GRM5: variants seen among roughly 807,000 people sequenced by gnomAD.
The protein encoded by GRM5 is metabotropic glutamate receptor 5.
In GRM5, 19 loss-of-function variants were observed where a neutral mutation model predicts 83.1. The ratio of observed to expected loss-of-function variants is 0.23; its 90% CI spans 0.16 to 0.34. GRM5 has a LOEUF of 0.34. Among genes scored for constraint, GRM5 ranks in the 10% least tolerant of loss-of-function variants. GRM5 has a pLI of 1.00. For missense variants in GRM5, 1,160 were observed against 1,588.3 expected (o/e 0.73, Z 4.58); for synonymous variants, 675 against 633.6 (o/e 1.07, Z -0.98).
At chr11:88,646,482 A>T (rs1939452152) in intron 4 of GRM5, among the ~76,000 whole-genome samples, 1 of 90,096 alleles carries the variant, frequency 1.1e-5, no homozygotes, top group Non-Finnish European at 3.3e-5. Context: ...TTAAGTTTTT[A>T]AATGCTTAGA....
At chr11:88,845,260 G>A (rs1433989570) in intron 3 of GRM5, among the ~76,000 whole-genome samples, 1 of 150,848 alleles carries the variant, frequency 6.6e-6, no homozygotes, top group Non-Finnish European at 1.5e-5. Flanking sequence ...CATCAACATT[G>A]AGGCAAGACC....
intron 3 of GRM5, among the ~76,000 whole-genome samples, chr11:88,779,990 T>C (rs903052638): frequency 1.3e-5 from 2 of 152,172 alleles, no homozygotes; most frequent in African/African-American, 4.8e-5. Context: ...AATCCAGAGC[T>C]ATGCCCTGTG....
intron 2 of GRM5, among the ~76,000 whole-genome samples, chr11:88,906,625 C>A (rs1221438668): frequency 6.6e-6 from 1 of 152,140 alleles, no homozygotes; most frequent in African/African-American, 2.4e-5. Context: ...ATAGGAAATT[C>A]TCTGTGTCAG....
chr11:88,970,689 G>T (rs907380337), intron 2 of GRM5, among the ~76,000 whole-genome samples: 1 of 152,188 alleles, frequency 6.6e-6, no homozygotes, highest in Non-Finnish European at 1.5e-5. Context: ...TATGATGAGT[G>T]TCACATATCT....
At chr11:88,774,090 A>G (rs1490485037) in intron 3 of GRM5, among the ~76,000 whole-genome samples, 1 of 152,158 alleles carries the variant, frequency 6.6e-6, no homozygotes, top group Non-Finnish European at 1.5e-5. Flanking sequence ...ATGAGCATGG[A>G]AAGTTTCTCC....
chr11:88,999,427 G>A (rs1168020486), intron 2 of GRM5, among the ~76,000 whole-genome samples: 2 of 152,074 alleles, frequency 1.3e-5, no homozygotes, highest in African/African-American at 4.8e-5. Context: ...AGTGGGTGAA[G>A]GATATGAACA....
chr11:88,982,363 A>T (rs1312552685), intron 2 of GRM5, among the ~76,000 whole-genome samples: 1 of 152,204 alleles, frequency 6.6e-6, no homozygotes, highest in Non-Finnish European at 1.5e-5. Context: ...TTTAGCTTAC[A>T]TAAGTCTCAA....
intron 3 of GRM5, among the ~76,000 whole-genome samples, chr11:88,792,119 TACCA>T (rs1169158825): frequency 2.0e-5 from 3 of 152,096 alleles, no homozygotes; most frequent in Admixed American, 1.3e-4. Context: ...CCAATTTTAT[TACCA>T]ACAACCTAGT....
intron 3 of GRM5, among the ~76,000 whole-genome samples, chr11:88,714,187 G>T (rs1000918832): frequency 2.0e-5 from 3 of 152,016 alleles, no homozygotes; most frequent in African/African-American, 7.2e-5. Context: ...AAACTTAGAA[G>T]GTGGGGAAGT....
chr11:88,837,895 T>G (rs993432288), intron 3 of GRM5, among the ~76,000 whole-genome samples: 1 of 151,984 alleles, frequency 6.6e-6, no homozygotes, highest in Admixed American at 6.6e-5. Flanking sequence ...CCATCCTGGC[T>G]AACACGGTGA....
At chr11:88,576,087 T>G (rs1943103817) in intron 7 of GRM5, among the ~76,000 whole-genome samples, 2 of 152,216 alleles carry the variant, frequency 1.3e-5, no homozygotes, top group Admixed American at 1.3e-4. Context: ...CCGGTCATAC[T>G]GCACATGGAT....
intron 8 of GRM5, among the ~76,000 whole-genome samples, chr11:88,547,684 T>G (rs929574360): frequency 2.6e-5 from 4 of 152,120 alleles, no homozygotes; most frequent in Non-Finnish European, 4.4e-5. Context: ...GAGGCTATAA[T>G]AAGGCATAGT....
chr11:88,714,216 G>T (rs1247465479), intron 3 of GRM5, among the ~76,000 whole-genome samples: 1 of 152,000 alleles, frequency 6.6e-6, no homozygotes, highest in African/African-American at 2.4e-5. Flanking sequence ...GCTACAGTAG[G>T]CTGTGGTTTT....
intron 2 of GRM5, among the ~76,000 whole-genome samples, chr11:88,855,208 C>A (rs1448647929): frequency 1.3e-5 from 2 of 151,692 alleles, no homozygotes; most frequent in Admixed American, 1.3e-4. Context: ...ATAAATCAGA[C>A]CCTGATTCAC....
At chr11:89,015,439 A>G (rs945238277) in intron 2 of GRM5, among the ~76,000 whole-genome samples, 2 of 152,314 alleles carry the variant, frequency 1.3e-5, no homozygotes, top group African/African-American at 4.8e-5. Flanking sequence ...ATGACTGAGA[A>G]GAAATCAATG....
chr11:88,771,704 G>A (rs947454153), intron 3 of GRM5, among the ~76,000 whole-genome samples: 1 of 152,006 alleles, frequency 6.6e-6, no homozygotes, highest in African/African-American at 2.4e-5. Flanking sequence ...AGCTATCTAG[G>A]CATCCTTCAA....
At chr11:88,955,319 T>A (rs1403495180) in intron 2 of GRM5, among the ~76,000 whole-genome samples, 1 of 152,194 alleles carries the variant, frequency 6.6e-6, no homozygotes, top group East Asian at 1.9e-4. Context: ...CTAATGTGTA[T>A]AAACAATGAC....
chr11:88,884,297 C>T (rs920058155), intron 2 of GRM5, among the ~76,000 whole-genome samples: 17 of 152,114 alleles, frequency 1.1e-4, no homozygotes, highest in African/African-American at 4.1e-4. Flanking sequence ...AATGACTGTT[C>T]TATTGGATTT....
At chr11:89,013,449 C>T (rs375511232) in intron 2 of GRM5, among the ~76,000 whole-genome samples, 5 of 152,114 alleles carry the variant, frequency 3.3e-5, no homozygotes, top group African/African-American at 9.7e-5. Context: ...AGCTGGTTTA[C>T]GGATCTCTGC....
Sources: allele counts gnomAD v4.1 joint callset (sites outside exome capture counted in the v4.1 genomes callset), GRCh38; gene constraint gnomAD v4.1.1; transcripts MANE v1.5; gene names NCBI Gene and HGNC (gene_info 2026-07-23, HGNC 2026-07-21).